Variants in RSPRY1 observed in about 807,000 individuals in gnomAD.
The protein encoded by RSPRY1 is RING finger and SPRY domain-containing protein 1.
Under a neutral mutation model 73.1 loss-of-function variants are expected in RSPRY1, and 23 were observed. The ratio of observed to expected loss-of-function variants is 0.31; its 90% confidence interval spans 0.23 to 0.45. The LOEUF is 0.45. Among genes scored for constraint, RSPRY1 ranks in the 20% least tolerant of loss-of-function variants. The probability of loss-of-function intolerance (pLI) is 1.00; values close to 1 mark genes in which losing one functional copy is unlikely to be tolerated. For missense variants in RSPRY1, 448 were observed against 698.7 expected, an observed-to-expected ratio of 0.64 and a Z score of 4.05; for synonymous variants, 226 against 251.4, an observed-to-expected ratio of 0.90 and a Z score of 0.95.
In RSPRY1 at chr16:57,209,046, A is replaced by G. The variant is rs112596141; in HGVS notation, c.404-29A>G. 1.9e-5 allele frequency: 27 copies of G among 1,396,080 alleles called. No homozygotes were observed. The African/African-American group carries it at 2.1e-4, about 11-fold the overall frequency. The allele number at this position is 1,396,080 out of a possible 1,614,324, so 86.5% of individuals were successfully genotyped here. ...TTCACATTTTAAAAATAGTGACTCC[A>G]TCATATAATCTTCTTGATTTGCTCT... On this transcript the variant is annotated intron_variant, in intron 3 of 14. Coordinates refer to ENST00000394420, the MANE Select transcript of RSPRY1 (RefSeq NM_133368.3).
In RSPRY1 at chr16:57,197,506, A is replaced by T. The variant is rs990411413; in HGVS notation, c.-155-6998A>T. On this transcript the variant is annotated intron_variant, in intron 1 of 14. Transcript: ENST00000394420. ...TTTTCACAGATGGTCCTTTTTATTTAAAAAAAAAAAGTCTGGCTTTAAAGT... is the reference window on the plus strand; with the variant it reads ...TTTTCACAGATGGTCCTTTTTATTTTAAAAAAAAAAGTCTGGCTTTAAAGT... Among the ~76,000 whole-genome samples, 9 of 144,840 alleles carry T rather than the reference A, an allele frequency of 6.2e-5. No individual in the cohort carries two copies. In the South Asian group the frequency reaches 8.8e-4, roughly 14 times the overall value.
At chr16:57,202,306 C>G (rs1468187487) in intron 1 of RSPRY1, among the ~76,000 whole-genome samples, 1 of 152,190 alleles carries the variant, frequency 6.6e-6, no homozygotes, top group Non-Finnish European at 1.5e-5. Flanking sequence ...GGCGGCAAGC[C>G]TCTTGTTCTC....
At chr16:57,204,200 T>G (rs529404226) in intron 1 of RSPRY1, among the ~76,000 whole-genome samples, 1 of 152,178 alleles carries the variant, frequency 6.6e-6, no homozygotes, top group Non-Finnish European at 1.5e-5. Context: ...CACATCCTTC[T>G]AATGTATTTC....
intron 2 of RSPRY1, among the ~76,000 whole-genome samples, chr16:57,206,747 G>A (rs984797006): frequency 3.3e-5 from 5 of 151,904 alleles, no homozygotes; most frequent in African/African-American, 7.3e-5. Flanking sequence ...AAAAGTTTTT[G>A]TAGAGCCAGG....
chr16:57,209,274 T>A lies in RSPRY1; in HGVS notation c.516+87T>A, dbSNP rs2074788501. The A allele has an allele frequency of 8.2e-6, 7 of 848,908 alleles. No homozygotes were observed. In the South Asian group the frequency reaches 1.1e-4, roughly 13 times the overall value. The allele number at this position is 848,908 out of a possible 1,614,324, so 52.6% of individuals were successfully genotyped here. A position where few individuals can be genotyped will look rare whatever the true frequency, so the allele number is the denominator to read the frequency against. Reference sequence around the variant, plus strand: ...ACAAAGAACATTTGATGTATTGTGTTTCATCTTTATACATTTGGGGTCTGT... The same window carrying A: ...ACAAAGAACATTTGATGTATTGTGTATCATCTTTATACATTTGGGGTCTGT... On this transcript the variant is annotated intron_variant, in intron 4 of 14. Coordinates refer to ENST00000394420, the MANE Select transcript of RSPRY1 (RefSeq NM_133368.3).
At chr16:57,226,834 A>C (rs1334771910) in intron 10 of RSPRY1, among the ~76,000 whole-genome samples, 2 of 152,226 alleles carry the variant, frequency 1.3e-5, no homozygotes, top group Admixed American at 1.3e-4. Context: ...GCAGCCCAGC[A>C]AGTCTAAGCC....
chr16:57,218,734 T>C (rs1348289615), intron 8 of RSPRY1, among the ~76,000 whole-genome samples: 2 of 97,514 alleles, frequency 2.1e-5, no homozygotes, highest in African/African-American at 4.4e-5. Context: ...TTTTTTTTTT[T>C]TTTTTTTTTT....
chr16:57,206,707 C>T (rs1484926521), intron 2 of RSPRY1, among the ~76,000 whole-genome samples: 12 of 152,100 alleles, frequency 7.9e-5, no homozygotes, highest in Non-Finnish European at 1.5e-5. Flanking sequence ...GGACTACAGG[C>T]GTGTGCTACT....
intron 1 of RSPRY1, among the ~76,000 whole-genome samples, chr16:57,201,740 C>CG (rs1567490720): frequency 6.6e-6 from 1 of 152,212 alleles, no homozygotes; most frequent in East Asian, 1.9e-4. Flanking sequence ...GCGGATCACT[C>CG]GCGGTTAGGA....
chr16:57,204,443 T>G, intron 1 of RSPRY1, 61 bp from the exon 2 acceptor site: 1 of 503,262 alleles, frequency 2.0e-6, no homozygotes, highest in Non-Finnish European at 3.5e-6. Flanking sequence ...ACTAGGAAAA[T>G]TTGAGTAATT....
rs1156458261 is a variant in RSPRY1, at chr16:57,204,790, T to C, written c.132T>C (p.Cys44=). 6.2e-7 allele frequency: 1 copy of C among 1,614,152 alleles called. No individual in the cohort carries two copies. Among genetic ancestry groups the C allele is most frequent in the Middle Eastern group, 1.6e-4 (1 of 6,062 alleles). ...CCGCTACTACCATGGGTAATTCCTG[T>C]ATCTGCCGAGATGACAGTGGAACAG... is the stretch of plus-strand genomic sequence containing the variant. ...GGAATTMGNS[C]ICRDDSGTDD... The change falls in exon 2 of 15, where the codon TGT becomes TGC. Residue 44 remains cysteine (C), a synonymous_variant. Transcript: ENST00000394420.
intron 1 of RSPRY1, among the ~76,000 whole-genome samples, chr16:57,203,022 T>C (rs1443316806): frequency 1.3e-5 from 2 of 151,874 alleles, no homozygotes; most frequent in African/African-American, 4.8e-5. Flanking sequence ...ATAATGGAAA[T>C]AGGCTGGGCA....
chr16:57,231,990 T>C (rs1282942786), intron 13 of RSPRY1, among the ~76,000 whole-genome samples: 4 of 152,246 alleles, frequency 2.6e-5, no homozygotes, highest in Non-Finnish European at 5.9e-5. Flanking sequence ...CTCCAGCTGC[T>C]TCCTGGTAAT....
At chr16:57,216,012 T>C in intron 6 of RSPRY1, 95 bp from the exon 7 acceptor site, 2 of 917,268 alleles carry the variant, frequency 2.2e-6, no homozygotes, top group Non-Finnish European at 3.4e-6. Flanking sequence ...AAAAAACATC[T>C]AGCACATATT....
chr16:57,222,087 A>G (rs1275154742), intron 10 of RSPRY1, among the ~76,000 whole-genome samples: 2 of 152,094 alleles, frequency 1.3e-5, no homozygotes, highest in African/African-American at 4.8e-5. Context: ...GATCAGGAAT[A>G]TTTTGTTTTC....
At chr16:57,201,980 G>T (rs1192688734) in intron 1 of RSPRY1, among the ~76,000 whole-genome samples, 2 of 151,996 alleles carry the variant, frequency 1.3e-5, no homozygotes, top group African/African-American at 4.8e-5. Context: ...GGAGAGGAGG[G>T]AGAGGGAGAG....
Position 57,239,784 on chromosome 16 carries a change from G to C in RSPRY1, c.*809G>C, listed in dbSNP as rs2075352397. Reference sequence around the variant, plus strand: ...AATTTGGTATTTAGGGTATTTTCAAGGTACCATCAAATCAGATTTCTGTTT... The same window carrying C: ...AATTTGGTATTTAGGGTATTTTCAACGTACCATCAAATCAGATTTCTGTTT... On this transcript the variant is annotated 3_prime_UTR_variant, in exon 15 of 15. Transcript: ENST00000394420. 1 of 151,726 alleles carries C rather than the reference G, an allele frequency of 6.6e-6. No homozygotes were observed. The highest frequency in any genetic ancestry group is 1.5e-5 in the Non-Finnish European group (1 of 67,946). 9.4% of individuals were successfully genotyped at this position (151,726 alleles called of 1,614,324 possible). A position where few individuals can be genotyped will look rare whatever the true frequency, so the allele number is the denominator to read the frequency against.
chr16:57,206,080 A>G (rs1390699781), intron 2 of RSPRY1, among the ~76,000 whole-genome samples: 1 of 152,214 alleles, frequency 6.6e-6, no homozygotes, highest in Non-Finnish European at 1.5e-5. Flanking sequence ...TTTCCATAAA[A>G]TACTGGAGCA....
At position 57,220,851 on chromosome 16, in the gene RSPRY1, G is replaced by A; in HGVS notation, c.1017+4G>A. 1.9e-6 allele frequency: 3 copies of A among 1,578,720 alleles called. No homozygotes were observed. In the African/African-American group the frequency reaches 4.0e-5, roughly 21 times the overall value. ...GATCTCACCTCATGGCTTAGAGGTAGGTAATGCTTCTACAGTTGGACCCTT... is the reference window on the plus strand; with the variant it reads ...GATCTCACCTCATGGCTTAGAGGTAAGTAATGCTTCTACAGTTGGACCCTT... On this transcript the variant is annotated splice_donor_region_variant and intron_variant, in intron 9 of 14. Coordinates refer to ENST00000394420, the MANE Select transcript of RSPRY1 (RefSeq NM_133368.3).
Sources: allele counts gnomAD v4.1 joint callset (sites outside exome capture counted in the v4.1 genomes callset), GRCh38; gene constraint gnomAD v4.1.1; transcripts MANE v1.5; gene names NCBI Gene and HGNC (gene_info 2026-07-23, HGNC 2026-07-21).